SERINC5: variants seen among roughly 807,000 people sequenced by gnomAD.
The protein encoded by SERINC5 is serine incorporator 5.
SERINC5 carries 41 observed loss-of-function variants against 63.1 expected under a neutral mutation model. That is an observed-to-expected ratio of 0.65 (90% CI 0.51 to 0.84). The LOEUF (loss-of-function observed/expected upper bound fraction) is 0.84. SERINC5 is among the 40% of genes least tolerant of loss of function. The pLI is 0.00. For synonymous variants in SERINC5, 222 were observed against 215.2 expected, an observed-to-expected ratio of 1.03 and a Z score of -0.28; for missense variants, 523 against 573.0, an observed-to-expected ratio of 0.91 and a Z score of 0.89.
At chr5:80,129,915 CCCA>C (rs1375290111) in intron 11 of SERINC5, among the ~76,000 whole-genome samples, 1 of 152,176 alleles carries the variant, frequency 6.6e-6, no homozygotes. Flanking sequence ...AAGCCACACT[CCCA>C]CCACAACATA....
At chr5:80,153,652 T>C (rs769853654) in intron 8 of SERINC5, among the ~76,000 whole-genome samples, 4 of 152,136 alleles carry the variant, frequency 2.6e-5, no homozygotes, top group Non-Finnish European at 4.4e-5. Context: ...GTATTTCCCG[T>C]GGGGATAGGA....
rs2112286607 is a variant in SERINC5 at position 80,141,593 on chromosome 5, C to T, written c.*2070G>A. The T allele has an allele frequency of 1.0e-6, 1 of 985,568 alleles. No individual in the cohort carries two copies. Among genetic ancestry groups the T allele is most frequent in the Non-Finnish European group, 1.2e-6 (1 of 830,060 alleles). 61.1% of individuals were successfully genotyped at this position (985,568 alleles called of 1,614,324 possible). ...TGCCCAGGCTCTTTACCTGCTTCCC[C>T]TCAGGGTGTTTCCTAAAGACAACCC... is the stretch of plus-strand genomic sequence containing the variant. On this transcript the variant is annotated 3_prime_UTR_variant, in exon 12 of 12. Transcript: ENST00000507668.
intron 2 of SERINC5, among the ~76,000 whole-genome samples, chr5:80,192,297 G>A (rs1217684069): frequency 1.3e-5 from 2 of 152,156 alleles, no homozygotes; most frequent in African/African-American, 4.8e-5. Flanking sequence ...AGCCAAAAGA[G>A]CAGCTCCTTT....
rs117202679 is a variant in SERINC5 at position 80,251,058 on chromosome 5, C to T, written c.27+4838G>A. 2.4e-4 allele frequency among the ~76,000 whole-genome samples: 36 copies of T among 152,244 alleles called. No individual in the cohort carries two copies. In the East Asian group the frequency reaches 6.4e-3, roughly 27 times the overall value. ...TTCAAGGCTTTGTTAATTAACATAA[C>T]GGACATCAGAAATGAGTTTTACTAG... On this transcript the variant is annotated intron_variant, in intron 1 of 11. Transcript: ENST00000507668.
At chr5:80,146,063 AAAT>A (rs757652799) in intron 11 of SERINC5, 24 bp downstream of exon 11, 12 of 1,612,330 alleles carry the variant, frequency 7.4e-6, no homozygotes, top group Non-Finnish European at 9.3e-6. Flanking sequence ...TTTGCTTCAA[AAAT>A]ACCTAAGCAA....
intron 1 of SERINC5, among the ~76,000 whole-genome samples, chr5:80,222,290 C>G (rs1040653853): frequency 6.6e-6 from 1 of 152,162 alleles, no homozygotes; most frequent in Non-Finnish European, 1.5e-5. Context: ...ATCACCCCCA[C>G]TTTGCAACTG....
chr5:80,148,990 T>C (rs1409100582), intron 9 of SERINC5, among the ~76,000 whole-genome samples: 1 of 152,194 alleles, frequency 6.6e-6, no homozygotes, highest in Admixed American at 6.5e-5. Flanking sequence ...GCTGAGGTCT[T>C]AGTTATTTTG....
At chr5:80,196,358 C>T (rs952573093) in intron 2 of SERINC5, among the ~76,000 whole-genome samples, 1 of 152,090 alleles carries the variant, frequency 6.6e-6, no homozygotes, top group Non-Finnish European at 1.5e-5. Context: ...AAAGATGTAC[C>T]ATTAAGTGTT....
At position 80,139,866 on chromosome 5, in the gene SERINC5, CG is replaced by C. The variant is rs1745396417; in HGVS notation, c.*3796del. On this transcript the variant is annotated 3_prime_UTR_variant, in exon 12 of 12. Transcript: ENST00000507668. ...CTTAGTTGTAGGTTGGGCCCTCTTTCGTTTCCAAGAGGTATAGGACACTAGA... is the reference window on the plus strand; with the variant it reads ...CTTAGTTGTAGGTTGGGCCCTCTTTCTTTCCAAGAGGTATAGGACACTAGA... 2.0e-6 allele frequency: 2 copies of C among 985,140 alleles called. No individual in the cohort carries two copies. The highest frequency in any genetic ancestry group is 2.4e-6 in the Non-Finnish European group (2 of 829,922). The allele number at this position is 985,140 out of a possible 1,614,324, so 61.0% of individuals were successfully genotyped here.
intron 1 of SERINC5, among the ~76,000 whole-genome samples, chr5:80,214,709 C>A (rs764027011): frequency 1.2e-4 from 18 of 152,120 alleles, no homozygotes; most frequent in Non-Finnish European, 2.2e-4. Flanking sequence ...CCAGACTGAC[C>A]AACATGGTGA....
intron 10 of SERINC5, 120 bp downstream of exon 10, chr5:80,147,125 T>C: frequency 1.1e-6 from 1 of 903,218 alleles, no homozygotes; most frequent in Non-Finnish European, 1.7e-6. Context: ...AAGTCAGCTT[T>C]AGAATAAAAC....
intron 1 of SERINC5, among the ~76,000 whole-genome samples, chr5:80,254,477 T>C (rs957243579): frequency 2.0e-5 from 3 of 152,142 alleles, no homozygotes; most frequent in African/African-American, 7.2e-5. Flanking sequence ...ATTAGGAACT[T>C]GGGAATGGCA....
intron 5 of SERINC5, among the ~76,000 whole-genome samples, chr5:80,171,198 G>C (rs543508586): frequency 6.6e-6 from 1 of 152,002 alleles, no homozygotes; most frequent in Admixed American, 6.5e-5. Flanking sequence ...TAGTAAAGAC[G>C]GGGTTTCACC....
At chr5:80,246,788 TATC>T (rs973963908) in intron 1 of SERINC5, among the ~76,000 whole-genome samples, 1 of 152,246 alleles carries the variant, frequency 6.6e-6, no homozygotes, top group African/African-American at 2.4e-5. Context: ...TGTTTTGAAA[TATC>T]ATTAATATAT....
In SERINC5 at chr5:80,168,972, T is replaced by G. The variant is rs141109661; in HGVS notation, c.763+363A>C. ...CAGAACCAACCCCTTCTGCGGCCCT[T>G]TCATTCAACTTTTACACAGAGATTG... On this transcript the variant is annotated intron_variant, in intron 6 of 11. Coordinates refer to ENST00000507668, the MANE Select transcript of SERINC5 (RefSeq NM_001174072.3). Among the ~76,000 whole-genome samples, 712 of 152,268 alleles carry G rather than the reference T, an allele frequency of 4.7e-3. 5 individuals carry two copies. The highest frequency in any genetic ancestry group is 0.016 in the African/African-American group (681 of 41,566).
chr5:80,191,490 A>G (rs1315235051), intron 2 of SERINC5, among the ~76,000 whole-genome samples: 2 of 102,880 alleles, frequency 1.9e-5, no homozygotes, highest in African/African-American at 6.6e-5. Context: ...AAAAAAAAAA[A>G]AAAAAGAAAA....
chr5:80,197,353 G>C (rs956644219), intron 2 of SERINC5, among the ~76,000 whole-genome samples: 1 of 50,454 alleles, frequency 2.0e-5, no homozygotes, highest in Non-Finnish European at 4.0e-5. Context: ...GAGAGAGAGA[G>C]AGAGAGAGAG....
chr5:80,224,010 G>A (rs1751046260), intron 1 of SERINC5, among the ~76,000 whole-genome samples: 1 of 151,246 alleles, frequency 6.6e-6, no homozygotes. Context: ...GCGGGCGCCT[G>A]TAATCCTAGC....
intron 1 of SERINC5, among the ~76,000 whole-genome samples, chr5:80,217,261 T>A (rs1750708192): frequency 1.3e-5 from 2 of 152,222 alleles, no homozygotes; most frequent in Admixed American, 1.3e-4. Flanking sequence ...AAATAGTAGC[T>A]TATCAACCGG....
Sources: gnomAD v4.1 joint callset for allele counts (sites outside exome capture counted in the v4.1 genomes callset) on GRCh38, gnomAD v4.1.1 for gene constraint, MANE v1.5 for transcripts, NCBI Gene and HGNC (gene_info 2026-07-23, HGNC 2026-07-21) for gene names.